ATP13A3: variants seen among roughly 807,000 people sequenced by gnomAD.
ATP13A3 encodes ATPase 13A3.
A neutral mutation model predicts 158.1 loss-of-function variants in ATP13A3; 59 were observed. The ratio of observed to expected loss-of-function variants is 0.37; its 90% confidence interval spans 0.30 to 0.46. The LOEUF (loss-of-function observed/expected upper bound fraction) is 0.46. Among genes scored for constraint, ATP13A3 ranks in the 20% least tolerant of loss-of-function variants. ATP13A3 has a pLI of 1.00. For missense variants in ATP13A3, 1,166 were observed against 1,525.2 expected (o/e 0.76, Z 3.92); for synonymous variants, 491 against 504.3 (o/e 0.97, Z 0.35).
chr3:194,453,461 T>C (rs191027965), intron 10 of ATP13A3, among the ~76,000 whole-genome samples: 96 of 150,714 alleles, frequency 6.4e-4, no homozygotes, highest in Middle Eastern at 3.4e-3. Flanking sequence ...TAGCTGGGCA[T>C]GGTGGCATGC....
chr3:194,441,484 T>C, intron 15 of ATP13A3, 23 bp from the exon 16 acceptor site: 1 of 1,596,334 alleles, frequency 6.3e-7, no homozygotes, highest in Non-Finnish European at 8.6e-7. Flanking sequence ...CACACTGAAT[T>C]AGTTTCATAA....
intron 33 of ATP13A3, among the ~76,000 whole-genome samples, chr3:194,409,267 A>C (rs566782830): frequency 6.6e-6 from 1 of 152,350 alleles, no homozygotes; most frequent in African/African-American, 2.4e-5. Flanking sequence ...TGTGGTTTTC[A>C]TAAGTCTTCT....
chr3:194,412,303 A>C lies in ATP13A3; in HGVS notation c.3484-15T>G. 6.6e-7 allele frequency: 1 copy of C among 1,526,256 alleles called. No homozygotes were observed. Among genetic ancestry groups the C allele is most frequent in the Non-Finnish European group, 8.8e-7 (1 of 1,137,848 alleles). The allele number at this position is 1,526,256 out of a possible 1,614,324, so 94.5% of individuals were successfully genotyped here. ...AGGAAGAAGTTCTGAGAGATATTCC[A>C]GTGAGTTAAGAATTAATAATGACTA... is the stretch of plus-strand genomic sequence containing the variant. On this transcript the variant is annotated splice_polypyrimidine_tract_variant and intron_variant, in intron 32 of 33. Transcript: ENST00000645319.
chr3:194,431,352 C>A, intron 22 of ATP13A3, 126 bp from the exon 23 acceptor site: 1 of 1,141,550 alleles, frequency 8.8e-7, no homozygotes, highest in Non-Finnish European at 1.2e-6. Flanking sequence ...TGATGAAAGC[C>A]GGACATTTAT....
intron 2 of ATP13A3, among the ~76,000 whole-genome samples, chr3:194,469,697 T>G (rs9874152): frequency 0.38 from 57,750 of 152,016 alleles, 14,899 homozygotes; most frequent in African/African-American, 0.74. Context: ...GTTAAATAAA[T>G]ATTTGATAAA....
chr3:194,458,722 A>G (rs963641271), intron 6 of ATP13A3, among the ~76,000 whole-genome samples: 34 of 152,166 alleles, frequency 2.2e-4, no homozygotes, highest in African/African-American at 7.7e-4. Context: ...TTAATCAGGA[A>G]TGGTTTTTAA....
At chr3:194,493,378 G>A (rs1361913852) in intron 2 of ATP13A3, among the ~76,000 whole-genome samples, 10 of 152,114 alleles carry the variant, frequency 6.6e-5, no homozygotes, top group Middle Eastern at 6.8e-3. Flanking sequence ...CTGAGCGCAC[G>A]GCTCACCCCT....
chr3:194,479,288 A>T (rs1271350787), intron 2 of ATP13A3, among the ~76,000 whole-genome samples: 1 of 152,234 alleles, frequency 6.6e-6, no homozygotes, highest in Non-Finnish European at 1.5e-5. Flanking sequence ...ATTTCAATTA[A>T]GCGTGTGCTA....
At position 194,427,110 on chromosome 3, in the gene ATP13A3, C is replaced by T. The variant is rs1405352144; in HGVS notation, c.3090G>A (p.Gln1030=). Residue 1030 remains glutamine (Q), a synonymous_variant, in exon 29 of 34, where the codon CAG becomes CAA. Coordinates refer to ENST00000645319, the MANE Select transcript of ATP13A3 (RefSeq NM_001367549.1). ...FQSLGFFWVK[Q]QPWYEVWHPK... is the part of the protein sequence containing the mutation. ...GATGCCACACTTCATACCAAGGTTG[C>T]TGTTTGACCCAAAAAAAACCCAAAG... The T allele has an allele frequency of 6.2e-7, 1 of 1,613,370 alleles. No homozygotes were observed. Among genetic ancestry groups the T allele is most frequent in the Non-Finnish European group, 8.5e-7 (1 of 1,179,858 alleles).
chr3:194,453,423 T>C (rs1029652224), intron 10 of ATP13A3, among the ~76,000 whole-genome samples: 1 of 124,314 alleles, frequency 8.0e-6, no homozygotes, highest in African/African-American at 3.7e-5. Flanking sequence ...CAAAACCCTG[T>C]CTCTAAAAAA....
At chr3:194,445,880 C>T (rs1388659267) in intron 14 of ATP13A3, among the ~76,000 whole-genome samples, 2 of 152,160 alleles carry the variant, frequency 1.3e-5, no homozygotes, top group Non-Finnish European at 2.9e-5. Context: ...AGATATACTT[C>T]ACACAGGTAC....
In ATP13A3 at chr3:194,431,701, T is replaced by G. The variant is rs745349964; in HGVS notation, c.2421+16A>C. On this transcript the variant is annotated intron_variant, in intron 22 of 33. Coordinates refer to ENST00000645319, the MANE Select transcript of ATP13A3 (RefSeq NM_001367549.1). ...AATCAACAAACTTTAAAACGGACAG[T>G]CGATCTTGACCTTACCTCTGGGTCA... 5 of 1,510,352 alleles carry G rather than the reference T, an allele frequency of 3.3e-6. No individual in the cohort carries two copies. The East Asian group carries it at 1.2e-4, about 37-fold the overall frequency. The allele number at this position is 1,510,352 out of a possible 1,614,324, so 93.6% of individuals were successfully genotyped here.
chr3:194,463,641 A>G (rs1719810733), intron 2 of ATP13A3, among the ~76,000 whole-genome samples: 1 of 152,138 alleles, frequency 6.6e-6, no homozygotes, highest in Admixed American at 6.5e-5. Context: ...CCATACCTCT[A>G]CTCATCTACC....
chr3:194,454,823 CAAA>C (rs397875989), intron 8 of ATP13A3, among the ~76,000 whole-genome samples: 2 of 62,136 alleles, frequency 3.2e-5, no homozygotes, highest in Admixed American at 1.9e-4. Flanking sequence ...GACTCCGTCT[CAAA>C]AAAAAAAAAA....
At chr3:194,425,633 G>T in intron 29 of ATP13A3, 104 bp from the exon 30 acceptor site, 1 of 871,656 alleles carries the variant, frequency 1.1e-6, no homozygotes, top group South Asian at 1.9e-5. Flanking sequence ...ATAACAAATA[G>T]AAATATGATA....
At chr3:194,416,755 T>C (rs1191297314) in intron 31 of ATP13A3, among the ~76,000 whole-genome samples, 1 of 152,202 alleles carries the variant, frequency 6.6e-6, no homozygotes, top group African/African-American at 2.4e-5. Flanking sequence ...TAATTACTTA[T>C]ATATGATGCC....
At chr3:194,419,411 CAG>C (rs1716127665) in intron 31 of ATP13A3, among the ~76,000 whole-genome samples, 1 of 152,052 alleles carries the variant, frequency 6.6e-6, no homozygotes, top group Non-Finnish European at 1.5e-5. Flanking sequence ...ATGATACACT[CAG>C]GGTGTTATCT....
At chr3:194,429,962 T>C (rs1292525158) in intron 26 of ATP13A3, 110 bp downstream of exon 26, 4 of 1,049,234 alleles carry the variant, frequency 3.8e-6, no homozygotes, top group Non-Finnish European at 1.4e-6. Context: ...AGCTCAAATG[T>C]GCTAATCTGC....
chr3:194,447,003 T>C lies in ATP13A3; in HGVS notation c.1421A>G (p.Lys474Arg). ...ACTGATACAGAAAATACCGATTTTT[T>C]TCAGTCTTCTCTGAGCATACACAAT... ...AGIVYAQRRL[K>R]KIGIFCISPQ... Residue 474 changes from lysine to arginine, a missense_variant, in exon 14 of 34, where the codon AAA becomes AGA. Lys to Arg is a conservative substitution (Grantham distance 26). Coordinates refer to ENST00000645319, the MANE Select transcript of ATP13A3 (RefSeq NM_001367549.1). 1 of 1,613,820 alleles carries C rather than the reference T, an allele frequency of 6.2e-7. No individual in the cohort carries two copies. The highest frequency in any genetic ancestry group is 8.5e-7 in the Non-Finnish European group (1 of 1,179,890).
Sources: gnomAD v4.1 joint callset for allele counts (sites outside exome capture counted in the v4.1 genomes callset) on GRCh38, gnomAD v4.1.1 for gene constraint, MANE v1.5 for transcripts, NCBI Gene and HGNC (gene_info 2026-07-23, HGNC 2026-07-21) for gene names.